The following RANBP17 variants were observed in gnomAD, a reference collection of about 807,000 sequenced individuals.
RANBP17 encodes ran-binding protein 17.
In RANBP17, 158 loss-of-function variants were observed where a neutral mutation model predicts 141.2. The observed-to-expected ratio is 1.12, with a 90% confidence interval of 0.98 to 1.28. RANBP17 has a LOEUF of 1.28. RANBP17 is among the 50% of genes most tolerant of loss of function. The pLI, the probability that RANBP17 is intolerant of heterozygous loss-of-function variation, is 0.00. For missense variants in RANBP17, 1,438 were observed against 1,290.7 expected, an observed-to-expected ratio of 1.11 and a Z score of -1.75; for synonymous variants, 430 against 450.0, an observed-to-expected ratio of 0.96 and a Z score of 0.56.
intron 14 of RANBP17, among the ~76,000 whole-genome samples, chr5:171,148,897 T>C (rs1005429865): frequency 2.0e-5 from 3 of 152,204 alleles, no homozygotes; most frequent in African/African-American, 7.2e-5. Flanking sequence ...AGATAAAGTA[T>C]ATAAAGTGCT....
intron 14 of RANBP17, among the ~76,000 whole-genome samples, chr5:171,057,377 T>A (rs1783462933): frequency 6.6e-6 from 1 of 152,154 alleles, no homozygotes; most frequent in Non-Finnish European, 1.5e-5. Context: ...TAGCATATTT[T>A]ATACATATTT....
chr5:171,130,728 C>T (rs76171586), intron 14 of RANBP17, among the ~76,000 whole-genome samples: 7,009 of 151,976 alleles, frequency 0.046, 202 homozygotes, highest in East Asian at 0.12. Context: ...GTAGAAACAC[C>T]GTTTTATTTG....
At chr5:171,152,150 C>A (rs756731639) in intron 14 of RANBP17, among the ~76,000 whole-genome samples, 1 of 151,794 alleles carries the variant, frequency 6.6e-6, no homozygotes, top group Admixed American at 6.6e-5. Context: ...AGCTCACTCA[C>A]GCCTGTAATC....
At chr5:170,877,967 G>A (rs1272526861) in intron 1 of RANBP17, 130 bp from the exon 2 acceptor site, 1 of 554,014 alleles carries the variant, frequency 1.8e-6, no homozygotes, top group African/African-American at 1.9e-5. Context: ...CTAGTAAGTA[G>A]TTGTATATCG....
At chr5:170,897,862 G>A (rs1770271584) in intron 5 of RANBP17, among the ~76,000 whole-genome samples, 3 of 152,192 alleles carry the variant, frequency 2.0e-5, no homozygotes, top group Non-Finnish European at 4.4e-5. Context: ...TAGTGATGCA[G>A]TAAACATATG....
intron 12 of RANBP17, among the ~76,000 whole-genome samples, chr5:170,948,533 C>T (rs1774944819): frequency 6.6e-6 from 1 of 152,172 alleles, no homozygotes; most frequent in African/African-American, 2.4e-5. Context: ...TATATACCGA[C>T]ACTGTAACAG....
chr5:171,090,411 G>T (rs1413359127), intron 14 of RANBP17, among the ~76,000 whole-genome samples: 2 of 152,214 alleles, frequency 1.3e-5, no homozygotes, highest in African/African-American at 2.4e-5. Context: ...GCATTCAAGA[G>T]GTGACTTGGG....
chr5:171,169,815 G>A (rs1168034888), intron 14 of RANBP17, among the ~76,000 whole-genome samples: 5 of 151,378 alleles, frequency 3.3e-5, no homozygotes, highest in African/African-American at 4.9e-5. Context: ...ACCTACTCCC[G>A]TCTTCCAGAA....
At chr5:171,153,586 TGGGGAAGACA>T (rs1312333871) in intron 14 of RANBP17, among the ~76,000 whole-genome samples, 1 of 152,182 alleles carries the variant, frequency 6.6e-6, no homozygotes, top group Non-Finnish European at 1.5e-5. Flanking sequence ...GATGAAATCT[TGGGGAAGACA>T]GGGGAAGACT....
At chr5:171,085,020 G>C (rs1253622202) in intron 14 of RANBP17, among the ~76,000 whole-genome samples, 1 of 48,558 alleles carries the variant, frequency 2.1e-5, no homozygotes, top group Non-Finnish European at 4.0e-5. Flanking sequence ...TGGTGTTTTG[G>C]ACATGAAGTC....
intron 3 of RANBP17, among the ~76,000 whole-genome samples, chr5:170,890,190 C>G (rs1474356047): frequency 6.6e-6 from 1 of 152,028 alleles, no homozygotes; most frequent in East Asian, 1.9e-4. Context: ...GTATCCACTG[C>G]AAGATGAACA....
chr5:171,079,814 G>A (rs1479500639), intron 14 of RANBP17, among the ~76,000 whole-genome samples: 2 of 152,202 alleles, frequency 1.3e-5, no homozygotes, highest in Admixed American at 6.5e-5. Context: ...GCAGACACAA[G>A]TATTTGTATG....
At chr5:171,061,101 T>A (rs1415829813) in intron 14 of RANBP17, among the ~76,000 whole-genome samples, 1 of 152,142 alleles carries the variant, frequency 6.6e-6, no homozygotes, top group Admixed American at 6.6e-5. Flanking sequence ...GTTGATCCTT[T>A]CAAAAAACCA....
chr5:171,227,170 G>A (rs1029196045), intron 22 of RANBP17, among the ~76,000 whole-genome samples: 1 of 152,208 alleles, frequency 6.6e-6, no homozygotes, highest in African/African-American at 2.4e-5. Flanking sequence ...TAAGCTTAGC[G>A]AAGAAGGCAT....
intron 14 of RANBP17, among the ~76,000 whole-genome samples, chr5:171,104,484 C>T (rs563324875): frequency 2.6e-5 from 4 of 152,272 alleles, no homozygotes; most frequent in African/African-American, 9.6e-5. Context: ...AGAATGTTGC[C>T]TTTTTACTTC....
At chr5:171,076,570 G>A (rs1277722498) in intron 14 of RANBP17, among the ~76,000 whole-genome samples, 1 of 152,182 alleles carries the variant, frequency 6.6e-6, no homozygotes, top group Non-Finnish European at 1.5e-5. Context: ...GCAGGAAATA[G>A]ATAAGTCTGG....
At position 171,199,677 on chromosome 5, in the gene RANBP17, T is replaced by A. The variant is rs1458313890; in HGVS notation, c.2046T>A (p.Asp682Glu). The A allele has an allele frequency of 6.9e-6, 11 of 1,604,812 alleles. No individual in the cohort carries two copies. The highest frequency in any genetic ancestry group is 2.2e-5 in the South Asian group (2 of 90,154). The change falls in exon 19 of 28, where the codon GAT becomes GAA. Residue 682 changes from aspartate (D) to glutamate (E), a missense_variant. Physicochemically the swap from Asp to Glu is conservative, Grantham distance 45 (BLOSUM62 2). Coordinates refer to ENST00000523189, the MANE Select transcript of RANBP17 (RefSeq NM_022897.5). ...CTTTTGTTTCTCTGATAGGTGAAGA[T>A]GAGGATGAATTTGAGAATTTCATGC... ...TRLLMVDLGE[D>E]EDEFENFMLP...
At chr5:171,124,807 A>G (rs1302725059) in intron 14 of RANBP17, among the ~76,000 whole-genome samples, 5 of 152,178 alleles carry the variant, frequency 3.3e-5, no homozygotes, top group Admixed American at 2.6e-4. Flanking sequence ...GACCAGAACA[A>G]ACGATATACA....
intron 14 of RANBP17, among the ~76,000 whole-genome samples, chr5:171,089,830 GTGCACCCACTGGCC>G (rs930558366): frequency 6.6e-6 from 1 of 152,178 alleles, no homozygotes; most frequent in African/African-American, 2.4e-5. Context: ...CGCACGGTGC[GTGCACCCACTGGCC>G]TGCGCCCACT....
Sources: allele counts gnomAD v4.1 joint callset (sites outside exome capture counted in the v4.1 genomes callset), GRCh38; gene constraint gnomAD v4.1.1; transcripts MANE v1.5; gene names NCBI Gene and HGNC (gene_info 2026-07-23, HGNC 2026-07-21).